Variants in ATRNL1 observed in about 807,000 individuals in gnomAD.
ATRNL1 encodes attractin like 1, also known as attractin-like protein 1.
A neutral mutation model predicts 182.7 loss-of-function variants in ATRNL1; 95 were observed. The ratio of observed to expected loss-of-function variants is 0.52; its 90% CI spans 0.44 to 0.62. The LOEUF (loss-of-function observed/expected upper bound fraction) is 0.62. Among genes scored for constraint, ATRNL1 ranks in the 20% least tolerant of loss-of-function variants. The probability of loss-of-function intolerance (pLI) is 0.00; values close to 1 mark genes in which losing one functional copy is unlikely to be tolerated. For synonymous variants in ATRNL1, 576 were observed against 568.3 expected (o/e 1.01, Z -0.19); for missense variants, 1,471 against 1,679.5 (o/e 0.88, Z 2.17).
intron 28 of ATRNL1, among the ~76,000 whole-genome samples, chr10:115,942,022 C>A (rs770527788): frequency 6.6e-6 from 1 of 152,164 alleles, no homozygotes; most frequent in East Asian, 1.9e-4. Context: ...TTAAGAGCAA[C>A]CCTTAAAAGG....
chr10:115,878,716 T>A (rs1472235232), intron 28 of ATRNL1, among the ~76,000 whole-genome samples: 2 of 152,204 alleles, frequency 1.3e-5, no homozygotes, highest in Non-Finnish European at 2.9e-5. Context: ...AGACTCTCGG[T>A]TGCATAATGC....
chr10:115,281,201 A>G (rs1852344227), intron 13 of ATRNL1, among the ~76,000 whole-genome samples, 154 bp from the exon 14 acceptor site: 2 of 152,174 alleles, frequency 1.3e-5, no homozygotes, highest in Non-Finnish European at 2.9e-5. Context: ...TAATAAACTA[A>G]TGAAATAAAT....
chr10:115,185,358 A>G (rs1847901202), intron 8 of ATRNL1, among the ~76,000 whole-genome samples: 1 of 152,022 alleles, frequency 6.6e-6, no homozygotes, highest in Non-Finnish European at 1.5e-5. Context: ...AGCCAAGTAC[A>G]TCTTGTTATA....
intron 26 of ATRNL1, among the ~76,000 whole-genome samples, chr10:115,628,815 G>A (rs1184950102): frequency 1.7e-4 from 26 of 151,916 alleles, no homozygotes; most frequent in African/African-American, 4.1e-4. Flanking sequence ...AAGTAATTGC[G>A]GTTTTGGTAT....
chr10:115,154,398 A>G (rs1020866604), intron 5 of ATRNL1, among the ~76,000 whole-genome samples: 1 of 152,070 alleles, frequency 6.6e-6, no homozygotes, highest in East Asian at 1.9e-4. Flanking sequence ...GTGTTCCTGT[A>G]TTGGGTGCAT....
At chr10:115,689,983 T>A (rs1260774304) in intron 26 of ATRNL1, among the ~76,000 whole-genome samples, 1 of 152,190 alleles carries the variant, frequency 6.6e-6, no homozygotes, top group African/African-American at 2.4e-5. Context: ...GGCATCCTAC[T>A]CTGTACATAT....
At chr10:115,389,235 G>A (rs1012063517) in intron 19 of ATRNL1, among the ~76,000 whole-genome samples, 12 of 151,968 alleles carry the variant, frequency 7.9e-5, no homozygotes, top group Admixed American at 2.6e-4. Flanking sequence ...GGCCGGGTGC[G>A]GTGGCTCACA....
intron 27 of ATRNL1, among the ~76,000 whole-genome samples, chr10:115,790,172 C>T (rs1001839106): frequency 6.6e-6 from 1 of 151,474 alleles, no homozygotes; most frequent in Non-Finnish European, 1.5e-5. Context: ...CTGTCATTGT[C>T]TCTCCAGAGC....
chr10:115,721,814 G>A (rs1947435421), intron 26 of ATRNL1, among the ~76,000 whole-genome samples: 1 of 152,200 alleles, frequency 6.6e-6, no homozygotes, highest in African/African-American at 2.4e-5. Context: ...CAAAGATCCA[G>A]AAACATTTTC....
At chr10:115,266,041 T>G (rs1851594157) in intron 11 of ATRNL1, among the ~76,000 whole-genome samples, 1 of 151,870 alleles carries the variant, frequency 6.6e-6, no homozygotes, top group South Asian at 2.1e-4. Context: ...ACATGAAAAC[T>G]GTGAAACATA....
rs188424521 is a variant in ATRNL1, at chr10:115,132,777, T to G, written c.829+3242T>G. 9.0e-4 allele frequency among the ~76,000 whole-genome samples: 137 copies of G among 152,332 alleles called. 2 individuals are homozygous for G. In the East Asian group the frequency reaches 0.025, roughly 28 times the overall value. ...TCCCTCACCCACTTTTTGATGGGGT[T>G]GTTTGATTTTTTCCTGTAAATTTGT... On this transcript the variant is annotated intron_variant, in intron 5 of 28. Transcript: ENST00000355044.
chr10:115,863,080 T>C (rs1951352106), intron 28 of ATRNL1, among the ~76,000 whole-genome samples: 1 of 152,002 alleles, frequency 6.6e-6, no homozygotes, highest in Non-Finnish European at 1.5e-5. Context: ...CTACAGGAAA[T>C]AAAGCGAAAT....
chr10:115,409,026 T>G (rs1449859130), intron 20 of ATRNL1, among the ~76,000 whole-genome samples: 1 of 152,184 alleles, frequency 6.6e-6, no homozygotes, highest in African/African-American at 2.4e-5. Flanking sequence ...TTGTTCTTTT[T>G]TGCTCAGGAT....
chr10:115,620,349 C>T (rs1581903), intron 26 of ATRNL1, among the ~76,000 whole-genome samples: 71,164 of 151,884 alleles, frequency 0.47, 18,436 homozygotes, highest in East Asian at 0.84. Context: ...GGCCCCACCC[C>T]CAACACTGGA....
At chr10:115,848,432 G>A (rs962864334) in intron 28 of ATRNL1, among the ~76,000 whole-genome samples, 6 of 152,252 alleles carry the variant, frequency 3.9e-5, no homozygotes, top group South Asian at 4.1e-4. Context: ...TGTTTGGAAC[G>A]TTGAGTGGCA....
chr10:115,323,440 C>T (rs1457076562), intron 18 of ATRNL1, among the ~76,000 whole-genome samples: 2 of 140,088 alleles, frequency 1.4e-5, no homozygotes, highest in Non-Finnish European at 3.1e-5. Flanking sequence ...CTCCCCTCCC[C>T]TTCCCTTCCC....
chr10:115,600,757 C>T (rs1488353022), intron 26 of ATRNL1, among the ~76,000 whole-genome samples: 3 of 151,794 alleles, frequency 2.0e-5, no homozygotes, highest in African/African-American at 4.8e-5. Context: ...TTTTATTCTG[C>T]GGTTTGTGTT....
At chr10:115,502,846 A>T (rs1849913157) in intron 24 of ATRNL1, among the ~76,000 whole-genome samples, 2 of 152,156 alleles carry the variant, frequency 1.3e-5, no homozygotes, top group Admixed American at 1.3e-4. Context: ...TACCTATGTA[A>T]CAAAACTGCA....
chr10:115,587,516 G>A (rs1413787476), intron 26 of ATRNL1, among the ~76,000 whole-genome samples: 1 of 151,276 alleles, frequency 6.6e-6, no homozygotes, highest in African/African-American at 2.4e-5. Context: ...GGAGTGACCC[G>A]ATTTTCCAGG....
Sources: allele counts gnomAD v4.1 joint callset (sites outside exome capture counted in the v4.1 genomes callset), GRCh38; gene constraint gnomAD v4.1.1; transcripts MANE v1.5; gene names NCBI Gene and HGNC (gene_info 2026-07-23, HGNC 2026-07-21).